Variants in RIMS1 observed in about 807,000 individuals in gnomAD.
RIMS1 encodes the protein regulating synaptic membrane exocytosis 1.
In RIMS1, 83 loss-of-function variants were observed where a neutral mutation model predicts 214.1. That is an observed-to-expected ratio of 0.39 (90% CI 0.32 to 0.47). The LOEUF is 0.47. Among genes scored for constraint, RIMS1 ranks in the 20% least tolerant of loss-of-function variants. The pLI, the probability that RIMS1 is intolerant of heterozygous loss-of-function variation, is 0.99. For missense variants in RIMS1, 2,050 were observed against 2,161.8 expected (o/e 0.95, Z 1.03); for synonymous variants, 793 against 786.8 (o/e 1.01, Z -0.13).
chr6:72,073,890 T>G (rs2152313829), intron 2 of RIMS1, among the ~76,000 whole-genome samples: 1 of 152,358 alleles, frequency 6.6e-6, no homozygotes, highest in Middle Eastern at 3.4e-3. Context: ...TATATTCCAT[T>G]TTTTAAAGTA....
chr6:72,024,580 T>C (rs1335467906), intron 2 of RIMS1, among the ~76,000 whole-genome samples: 1 of 152,186 alleles, frequency 6.6e-6, no homozygotes, highest in African/African-American at 2.4e-5. Context: ...CAATGGCTTC[T>C]TTACATTTTC....
chr6:72,263,692 A>T, intron 19 of RIMS1: 1 of 985,326 alleles, frequency 1.0e-6, no homozygotes, highest in Non-Finnish European at 1.2e-6. Context: ...AGTTTCAGTA[A>T]AATTTGTCCT....
intron 19 of RIMS1, 150 bp downstream of exon 19, chr6:72,260,917 A>G: frequency 6.7e-7 from 1 of 1,492,856 alleles, no homozygotes; most frequent in Non-Finnish European, 9.0e-7. Flanking sequence ...TATTGAGGTT[A>G]TGGAAAAGGT....
intron 1 of RIMS1, among the ~76,000 whole-genome samples, chr6:71,892,352 G>A (rs1236562798): frequency 6.6e-6 from 1 of 152,178 alleles, no homozygotes; most frequent in African/African-American, 2.4e-5. Flanking sequence ...GTTTTCCAAT[G>A]TTAGTGAAAT....
intron 4 of RIMS1, among the ~76,000 whole-genome samples, chr6:72,150,967 TA>T (rs1468862886): frequency 6.6e-6 from 1 of 152,240 alleles, no homozygotes; most frequent in East Asian, 1.9e-4. Flanking sequence ...GTGACAGTCA[TA>T]AATGCATTTG....
intron 2 of RIMS1, among the ~76,000 whole-genome samples, chr6:72,011,555 G>A (rs962091663): frequency 1.1e-4 from 17 of 152,088 alleles, no homozygotes; most frequent in Non-Finnish European, 1.9e-4. Context: ...CTACAAAATC[G>A]GAGAAAATTT....
chr6:71,951,478 CTTT>C (rs71731452), intron 1 of RIMS1, among the ~76,000 whole-genome samples: 1 of 128,848 alleles, frequency 7.8e-6, no homozygotes, highest in African/African-American at 3.0e-5. Flanking sequence ...TTTTCTTTTT[CTTT>C]TTTTTTTTTT....
chr6:72,345,783 G>A (rs993095756), intron 29 of RIMS1, among the ~76,000 whole-genome samples: 1 of 151,728 alleles, frequency 6.6e-6, no homozygotes, highest in East Asian at 1.9e-4. Context: ...ACAGTCTTTT[G>A]TATCTGAGCA....
chr6:72,103,089 T>G (rs2033974756), intron 4 of RIMS1, among the ~76,000 whole-genome samples: 1 of 152,142 alleles, frequency 6.6e-6, no homozygotes, highest in African/African-American at 2.4e-5. Context: ...ATAGAAAGTT[T>G]ATAAATATAG....
intron 4 of RIMS1, 99 bp downstream of exon 4, chr6:72,100,085 C>G: frequency 1.1e-6 from 1 of 947,630 alleles, no homozygotes; most frequent in Middle Eastern, 2.7e-4. Context: ...CTATATTTCA[C>G]AAGAAATTAT....
chr6:72,069,097 G>C (rs1179675924), intron 2 of RIMS1, among the ~76,000 whole-genome samples: 1 of 152,142 alleles, frequency 6.6e-6, no homozygotes, highest in Non-Finnish European at 1.5e-5. Flanking sequence ...GGCTAACAAT[G>C]GTTGTAACAG....
chr6:72,247,184 A>C (rs1436210913), intron 11 of RIMS1, among the ~76,000 whole-genome samples: 1 of 152,146 alleles, frequency 6.6e-6, no homozygotes, highest in Non-Finnish European at 1.5e-5. Context: ...GGCTGAGAGG[A>C]GACCCAGCCT....
intron 27 of RIMS1, among the ~76,000 whole-genome samples, chr6:72,312,992 G>A (rs1249074862): frequency 2.0e-5 from 3 of 151,816 alleles, no homozygotes; most frequent in Non-Finnish European, 2.9e-5. Context: ...TTCCAGTTGA[G>A]CATCCTAATC....
At chr6:72,180,735 C>T (rs1488687900) in intron 5 of RIMS1, among the ~76,000 whole-genome samples, 8 of 152,322 alleles carry the variant, frequency 5.3e-5, no homozygotes, top group Middle Eastern at 3.4e-3. Context: ...TTTGTTAGCA[C>T]CTAGACTGGG....
chr6:72,179,610 A>G lies in RIMS1; in HGVS notation c.507A>G (p.Gln169=), dbSNP rs757077278. 8.7e-6 allele frequency: 14 copies of G among 1,613,880 alleles called. No individual in the cohort carries two copies. The East Asian group carries it at 2.9e-4, about 33-fold the overall frequency. Reference sequence around the variant, plus strand: ...TATGCAATTTATGTCGAAAGCAACAAGAAATCTTAACCAAATCTGGGGCAT... The same window carrying G: ...TATGCAATTTATGTCGAAAGCAACAGGAAATCTTAACCAAATCTGGGGCAT... ...MWVCNLCRKQ[Q]EILTKSGAWF... Residue 169 remains glutamine, a synonymous_variant, in exon 5 of 34, where the codon CAA becomes CAG. Transcript: ENST00000521978.
chr6:72,110,511 A>T (rs1334420160), intron 4 of RIMS1, among the ~76,000 whole-genome samples: 2 of 148,202 alleles, frequency 1.3e-5, no homozygotes, highest in Non-Finnish European at 3.0e-5. Context: ...TTTGTCTGTT[A>T]TTGGTGTATA....
intron 2 of RIMS1, among the ~76,000 whole-genome samples, chr6:72,031,424 G>A (rs1361480253): frequency 3.9e-5 from 6 of 152,096 alleles, no homozygotes; most frequent in Non-Finnish European, 8.8e-5. Flanking sequence ...AGCAGTTTAT[G>A]CTTGAGTATA....
At chr6:72,142,708 A>T (rs938903322) in intron 4 of RIMS1, among the ~76,000 whole-genome samples, 2 of 152,152 alleles carry the variant, frequency 1.3e-5, no homozygotes, top group Admixed American at 6.5e-5. Context: ...TATCATTTCC[A>T]TGGTAACTAA....
chr6:72,357,387 C>T (rs1297090847), intron 29 of RIMS1, among the ~76,000 whole-genome samples: 1 of 152,142 alleles, frequency 6.6e-6, no homozygotes, highest in Non-Finnish European at 1.5e-5. Context: ...ACTGCACCAG[C>T]CTCTCATCCT....
Sources: gnomAD v4.1 joint callset for allele counts (sites outside exome capture counted in the v4.1 genomes callset) on GRCh38, gnomAD v4.1.1 for gene constraint, MANE v1.5 for transcripts, NCBI Gene and HGNC (gene_info 2026-07-23, HGNC 2026-07-21) for gene names.